HIP1: variants seen among roughly 807,000 people sequenced by gnomAD.
HIP1 encodes huntingtin interacting protein 1.
A neutral mutation model predicts 147.6 loss-of-function variants in HIP1; 65 were observed. That is an observed-to-expected ratio of 0.44 (90% CI 0.36 to 0.54). HIP1 has a LOEUF of 0.54. HIP1 is among the 20% of genes least tolerant of loss of function. HIP1 has a pLI of 0.00. For missense variants in HIP1, 1,061 were observed against 1,299.6 expected (o/e 0.82, Z 2.82); for synonymous variants, 479 against 504.0 (o/e 0.95, Z 0.67).
chr7:75,705,629 A>G (rs996607463), intron 1 of HIP1, among the ~76,000 whole-genome samples: 15 of 152,150 alleles, frequency 9.9e-5, no homozygotes, highest in African/African-American at 3.4e-4. Context: ...TGCTGGGATT[A>G]TAGACGTGAG....
At chr7:75,601,371 C>T (rs2117014598) in intron 1 of HIP1, among the ~76,000 whole-genome samples, 1 of 151,940 alleles carries the variant, frequency 6.6e-6, no homozygotes, top group Admixed American at 6.6e-5. Flanking sequence ...GGTGGATCAC[C>T]TGAGGTCAGG....
chr7:75,669,276 G>A (rs1189399566), intron 1 of HIP1, among the ~76,000 whole-genome samples: 5 of 152,196 alleles, frequency 3.3e-5, no homozygotes, highest in African/African-American at 9.6e-5. Context: ...GGGAGGCTGA[G>A]GCAGGAGAAT....
intron 20 of HIP1, 107 bp from the exon 21 acceptor site, chr7:75,554,327 G>A (rs1794909514): frequency 4.0e-6 from 5 of 1,252,892 alleles, no homozygotes; most frequent in Non-Finnish European, 5.8e-6. Flanking sequence ...TGTATGAGTT[G>A]CCTACATGCC....
chr7:75,732,068 G>C (rs1311296392), intron 1 of HIP1, among the ~76,000 whole-genome samples: 1 of 152,130 alleles, frequency 6.6e-6, no homozygotes, highest in Admixed American at 6.5e-5. Flanking sequence ...GAGGGCAGAA[G>C]TACCCGCAAC....
At chr7:75,738,743 C>T in intron 1 of HIP1, 58 bp downstream of exon 1, 1 of 1,567,346 alleles carries the variant, frequency 6.4e-7, no homozygotes, top group Non-Finnish European at 8.6e-7. Context: ...CAAAGCCCCT[C>T]CCGGACACCG....
At chr7:75,664,372 A>G (rs1799476208) in intron 1 of HIP1, among the ~76,000 whole-genome samples, 1 of 64,506 alleles carries the variant, frequency 1.6e-5, no homozygotes, top group South Asian at 4.7e-4. Context: ...ATATATACAC[A>G]TACATATGTG....
At chr7:75,552,128 TG>T (rs1396137584) in intron 22 of HIP1, among the ~76,000 whole-genome samples, 1 of 152,138 alleles carries the variant, frequency 6.6e-6, no homozygotes, top group African/African-American at 2.4e-5. Flanking sequence ...TGACCTCAGG[TG>T]ATCCACCTGC....
chr7:75,699,553 C>G (rs1411818005), intron 1 of HIP1, among the ~76,000 whole-genome samples: 1 of 152,158 alleles, frequency 6.6e-6, no homozygotes, highest in Non-Finnish European at 1.5e-5. Flanking sequence ...ACATTCAGTT[C>G]CAAGTTTTAA....
intron 5 of HIP1, among the ~76,000 whole-genome samples, chr7:75,585,599 T>C (rs1387711824): frequency 1.3e-5 from 2 of 150,752 alleles, no homozygotes; most frequent in African/African-American, 4.9e-5. Context: ...AGCCTCTCCC[T>C]CCTGCTTCTT....
At chr7:75,637,536 A>ATTTTTTTTTTTTTT (rs869251770) in intron 1 of HIP1, among the ~76,000 whole-genome samples, 1 of 70,868 alleles carries the variant, frequency 1.4e-5, no homozygotes, top group Non-Finnish European at 2.6e-5. Flanking sequence ...TGCAGAGAGG[A>ATTTTTTTTTTTTTT]TTTTTTTTTT....
intron 4 of HIP1, 123 bp downstream of exon 4, chr7:75,591,933 C>T (rs970084300): frequency 7.3e-6 from 6 of 823,774 alleles, no homozygotes; most frequent in Non-Finnish European, 1.3e-5. Flanking sequence ...TCTCTGGCAC[C>T]CATGGGAGAA....
At chr7:75,611,620 C>T (rs1268466212) in intron 1 of HIP1, 151 of 993,772 alleles carry the variant, frequency 1.5e-4, no homozygotes, top group Non-Finnish European at 1.8e-4. Flanking sequence ...TGCCTGGGGG[C>T]CCCTCCCAGC....
At chr7:75,545,240 T>C (rs2116749604) in intron 25 of HIP1, 52 bp from the exon 26 acceptor site, 3 of 1,033,154 alleles carry the variant, frequency 2.9e-6, no homozygotes, top group Non-Finnish European at 4.5e-6. Context: ...ATGTACTATA[T>C]GGCAGGTGCT....
chr7:75,716,840 G>A (rs1443931286), intron 1 of HIP1, among the ~76,000 whole-genome samples: 3 of 149,660 alleles, frequency 2.0e-5, no homozygotes, highest in African/African-American at 7.4e-5. Context: ...GGGGGGAAAG[G>A]ATCTCACTCT....
chr7:75,592,323 C>A (rs1554500956), intron 3 of HIP1, 49 bp downstream of exon 3: 1 of 1,571,828 alleles, frequency 6.4e-7, no homozygotes, highest in African/African-American at 1.4e-5. Context: ...AGTCACTTTC[C>A]CCACAAGGAT....
chr7:75,663,965 T>TACACACAC (rs1563278006), intron 1 of HIP1, among the ~76,000 whole-genome samples: 140 of 22,800 alleles, frequency 6.1e-3, no homozygotes, highest in Middle Eastern at 0.05. Context: ...TATGTGTATA[T>TACACACAC]ATATATACAC....
chr7:75,596,912 T>C (rs1796769704), intron 2 of HIP1, among the ~76,000 whole-genome samples: 1 of 152,218 alleles, frequency 6.6e-6, no homozygotes, highest in Non-Finnish European at 1.5e-5. Flanking sequence ...AACAGCACAC[T>C]GCCTGATGAT....
rs781893181 is a variant in HIP1 at position 75,555,406 on chromosome 7, G to A, written c.1963+10C>T. 8.1e-6 allele frequency: 13 copies of A among 1,613,174 alleles called. No individual in the cohort carries two copies. The highest frequency in any genetic ancestry group is 8.5e-7 in the Non-Finnish European group (1 of 1,179,996). ...CCTGGCCCCTGCCAGCTGGGCAATT[G>A]CAAGTGTACCTGCAGACCCAGCGCA... is the stretch of plus-strand genomic sequence containing the variant. On this transcript the variant is annotated intron_variant, in intron 19 of 30. Coordinates refer to ENST00000336926, the MANE Select transcript of HIP1 (RefSeq NM_005338.7).
At chr7:75,606,621 A>T (rs1797234929) in intron 1 of HIP1, among the ~76,000 whole-genome samples, 1 of 151,542 alleles carries the variant, frequency 6.6e-6, no homozygotes, top group Non-Finnish European at 1.5e-5. Context: ...AGATGAGGGG[A>T]GGATAGCAGC....
Sources: gnomAD v4.1 joint callset for allele counts (sites outside exome capture counted in the v4.1 genomes callset) on GRCh38, gnomAD v4.1.1 for gene constraint, MANE v1.5 for transcripts, NCBI Gene and HGNC (gene_info 2026-07-23, HGNC 2026-07-21) for gene names.